Variants in PCBP3 observed in about 807,000 individuals in gnomAD.
PCBP3 encodes poly(rC)-binding protein 3.
A neutral mutation model predicts 52.7 loss-of-function variants in PCBP3; 25 were observed. That is an observed-to-expected ratio of 0.47 (90% CI 0.35 to 0.66). PCBP3 has a LOEUF of 0.66. Among genes scored for constraint, PCBP3 ranks in the 30% least tolerant of loss-of-function variants. PCBP3 has a pLI of 0.01. For missense variants in PCBP3, 391 were observed against 490.3 expected, an observed-to-expected ratio of 0.80 and a Z score of 1.91; for synonymous variants, 162 against 183.0, an observed-to-expected ratio of 0.89 and a Z score of 0.93.
intron 1 of PCBP3, among the ~76,000 whole-genome samples, chr21:45,657,994 A>AG (rs1436949719): frequency 1.3e-5 from 2 of 152,158 alleles, no homozygotes; most frequent in Non-Finnish European, 2.9e-5. Context: ...TCCTTATCTT[A>AG]GGGGGAAAGC....
In PCBP3 at chr21:45,941,682, G is replaced by A. The variant is rs1324447786; in HGVS notation, c.1092G>A (p.Glu364=). ...TTGTCTGTTCCAGGCTGACGTCCGA[G>A]GTCACCGGGATGGGCACGCTGTAAT... The part of the protein sequence containing the change: ...QYLINARLTS[E]VTGMGTL The change falls in exon 18 of 18, where the codon GAG becomes GAA. Residue 364 remains glutamate, a synonymous_variant. Transcript: ENST00000681687. The A allele has an allele frequency of 1.9e-6, 3 of 1,606,830 alleles. No homozygotes were observed. The highest frequency in any genetic ancestry group is 1.3e-5 in the African/African-American group (1 of 74,780).
intron 2 of PCBP3, among the ~76,000 whole-genome samples, chr21:45,713,014 C>T (rs1424728538): frequency 1.3e-5 from 2 of 152,032 alleles, no homozygotes; most frequent in Non-Finnish European, 2.9e-5. Context: ...TGTGAGCCAC[C>T]TTACCTGGCC....
At chr21:45,893,840 C>T in intron 5 of PCBP3, 1 of 985,444 alleles carries the variant, frequency 1.0e-6, no homozygotes, top group Non-Finnish European at 1.2e-6. Context: ...CCCATGGGGC[C>T]TTGGATGCCA....
At chr21:45,913,591 C>A (rs1411273152) in intron 11 of PCBP3, among the ~76,000 whole-genome samples, 1 of 152,066 alleles carries the variant, frequency 6.6e-6, no homozygotes, top group East Asian at 1.9e-4. Context: ...GTCTTGTGGG[C>A]AAGGGACCCA....
chr21:45,820,777 C>T (rs960982668), intron 4 of PCBP3, among the ~76,000 whole-genome samples: 4 of 152,184 alleles, frequency 2.6e-5, no homozygotes, highest in Non-Finnish European at 5.9e-5. Flanking sequence ...ATCTGAGCCA[C>T]GTCCTTTTCT....
chr21:45,756,778 T>C (rs934867930), intron 4 of PCBP3, among the ~76,000 whole-genome samples: 1 of 152,232 alleles, frequency 6.6e-6, no homozygotes, highest in African/African-American at 2.4e-5. Context: ...TGGTGTCTGA[T>C]TTCTTTCACT....
chr21:45,920,740 T>C (rs2074325567), intron 13 of PCBP3, among the ~76,000 whole-genome samples: 1 of 152,110 alleles, frequency 6.6e-6, no homozygotes, highest in African/African-American at 2.4e-5. Context: ...CCTCCATCCC[T>C]CCTGTCATGT....
Position 45,704,554 on chromosome 21 carries a change from C to T in PCBP3, c.-199-30838C>T, listed in dbSNP as rs1344150072. ...GCTGTCTGCTGCTGGCGGTGGGGGG[C>T]GGTGATCGGATATGGGAAGGAGGGA... is the stretch of plus-strand genomic sequence containing the variant. On this transcript the variant is annotated intron_variant, in intron 2 of 17. Transcript: ENST00000681687. The surrounding 1 kb of genome is among the most constrained non-coding windows in gnomAD (Gnocchi z 4.1). 1.3e-5 allele frequency among the ~76,000 whole-genome samples: 2 copies of T among 151,626 alleles called. No individual in the cohort carries two copies. The highest frequency in any genetic ancestry group is 6.6e-5 in the Admixed American group (1 of 15,236).
intron 2 of PCBP3, among the ~76,000 whole-genome samples, chr21:45,682,815 A>G (rs2081931315): frequency 6.6e-6 from 1 of 152,180 alleles, no homozygotes; most frequent in Non-Finnish European, 1.5e-5. Context: ...AGCCAAATCA[A>G]GGTGTTAGGT....
intron 4 of PCBP3, among the ~76,000 whole-genome samples, chr21:45,841,145 GA>G (rs1473229357): frequency 6.6e-6 from 1 of 152,170 alleles, no homozygotes. Flanking sequence ...GCACAGTGAT[GA>G]AATCACCTAA....
In PCBP3 at chr21:45,897,376, C is replaced by T. The variant is rs116493585; in HGVS notation, c.165+1014C>T. On this transcript the variant is annotated intron_variant, in intron 6 of 17. Coordinates refer to ENST00000681687, the MANE Select transcript of PCBP3 (RefSeq NM_001384156.1). Reference sequence around the variant, plus strand: ...TGTGCAGTCGGCACTTTCTGCACAGCGTGTGTGGAGCACCCATGCCTTGGT... The same window carrying T: ...TGTGCAGTCGGCACTTTCTGCACAGTGTGTGTGGAGCACCCATGCCTTGGT... 2.3e-3 allele frequency among the ~76,000 whole-genome samples: 357 copies of T among 152,276 alleles called. 2 individuals carry two copies. Among genetic ancestry groups the T allele is most frequent in the African/African-American group, 8.2e-3 (342 of 41,552 alleles).
At position 45,904,264 on chromosome 21, in the gene PCBP3, A is replaced by G. The variant is rs1241004637; in HGVS notation, c.339+3151A>G. 6.6e-6 allele frequency among the ~76,000 whole-genome samples: 1 copy of G among 152,212 alleles called. No individual in the cohort carries two copies. Among genetic ancestry groups the G allele is most frequent in the East Asian group, 1.9e-4 (1 of 5,198 alleles). ...ATCAGTCCATGGAGGAAGAGCTGAGATGTCTCCAAGCGCGCAGACTGTATG... is the reference window on the plus strand; with the variant it reads ...ATCAGTCCATGGAGGAAGAGCTGAGGTGTCTCCAAGCGCGCAGACTGTATG... On this transcript the variant is annotated intron_variant, in intron 9 of 17. Transcript: ENST00000681687. The surrounding 1 kb of genome is among the most constrained non-coding windows in gnomAD (Gnocchi z 4.8).
chr21:45,744,526 T>C (rs2086685308), intron 3 of PCBP3, among the ~76,000 whole-genome samples: 2 of 152,228 alleles, frequency 1.3e-5, no homozygotes, highest in Admixed American at 1.3e-4. Context: ...TCTGTTACTG[T>C]GTTCCCTTTA....
At chr21:45,921,837 G>A (rs532489840) in intron 13 of PCBP3, among the ~76,000 whole-genome samples, 5 of 151,916 alleles carry the variant, frequency 3.3e-5, no homozygotes, top group East Asian at 3.9e-4. Flanking sequence ...AGGAGTCATC[G>A]GCACTGATCT....
intron 4 of PCBP3, among the ~76,000 whole-genome samples, chr21:45,769,323 G>A (rs918315896): frequency 1.3e-5 from 2 of 152,188 alleles, no homozygotes; most frequent in African/African-American, 4.8e-5. Flanking sequence ...CCATTCCTCA[G>A]GGTAAAACTC....
At chr21:45,766,847 T>TTTTTCTTTC (rs1433158361) in intron 4 of PCBP3, among the ~76,000 whole-genome samples, 1 of 152,134 alleles carries the variant, frequency 6.6e-6, no homozygotes, top group African/African-American at 2.4e-5. Context: ...TATTTAGAGC[T>TTTTTCTTTC]TTTTCTTTCT....
chr21:45,938,947 C>T (rs2077164787), intron 16 of PCBP3, among the ~76,000 whole-genome samples: 1 of 152,252 alleles, frequency 6.6e-6, no homozygotes, highest in African/African-American at 2.4e-5. Flanking sequence ...TGCAAGTGGA[C>T]GTCCCTCCTG....
At position 45,930,790 on chromosome 21, in the gene PCBP3, A is replaced by G; in HGVS notation, c.801A>G (p.Glu267=). ...TGTCTCTTCTTTGCTCTCCAGGAGA[A>G]AAGCTGCCTTTACACTCCTCCGAAG... ...LGQTNPAFPG[E]KLPLHSSEEA... Residue 267 remains glutamate, a synonymous_variant, in exon 15 of 18, where the codon GAA becomes GAG. Transcript: ENST00000681687. 7.4e-7 allele frequency: 1 copy of G among 1,345,164 alleles called. No homozygotes were observed. The allele number at this position is 1,345,164 out of a possible 1,614,324, so 83.3% of individuals were successfully genotyped here. A position where few individuals can be genotyped will look rare whatever the true frequency, so the allele number is the denominator to read the frequency against.
Position 45,817,558 on chromosome 21 carries a change from C to G in PCBP3, c.-125-32403C>G, listed in dbSNP as rs1482395425. Among the ~76,000 whole-genome samples the G allele has an allele frequency of 6.6e-6, 1 of 152,242 alleles. No homozygotes were observed. Among genetic ancestry groups the G allele is most frequent in the African/African-American group, 2.4e-5 (1 of 41,464 alleles). On this transcript the variant is annotated intron_variant, in intron 4 of 17. Transcript: ENST00000681687. The surrounding 1 kb of genome is among the most constrained non-coding windows in gnomAD (Gnocchi z 4.3). ...ATGCTTGCCTTTTGTCCTCAGCCCCCCAGCGAGGCAGCAGCTTGTGTGTGT... is the reference window on the plus strand; with the variant it reads ...ATGCTTGCCTTTTGTCCTCAGCCCCGCAGCGAGGCAGCAGCTTGTGTGTGT...
Sources: gnomAD v4.1 joint callset for allele counts (sites outside exome capture counted in the v4.1 genomes callset) on GRCh38, gnomAD v4.1.1 for gene constraint, Gnocchi (gnomAD v3.1) non-coding constraint, MANE v1.5 for transcripts, NCBI Gene and HGNC (gene_info 2026-07-23, HGNC 2026-07-21) for gene names.